Variants in GABRA5 observed in about 807,000 individuals in gnomAD.
GABRA5 encodes the protein gamma-aminobutyric acid receptor subunit alpha-5.
A neutral mutation model predicts 47.3 loss-of-function variants in GABRA5; 18 were observed. The observed-to-expected ratio is 0.38, with a 90% CI of 0.26 to 0.56. The LOEUF (loss-of-function observed/expected upper bound fraction) is 0.56, where lower values mean the gene tolerates loss of function less well. Ranked by LOEUF, GABRA5 falls within the 20% of genes least tolerant of loss-of-function variation. The pLI is 0.71. For missense variants in GABRA5, 365 were observed against 599.3 expected, an observed-to-expected ratio of 0.61 and a Z score of 4.08; for synonymous variants, 237 against 229.3, an observed-to-expected ratio of 1.03 and a Z score of -0.30.
At chr15:26,938,699 C>A (rs1390073386) in intron 8 of GABRA5, among the ~76,000 whole-genome samples, 1 of 152,224 alleles carries the variant, frequency 6.6e-6, no homozygotes, top group African/African-American at 2.4e-5. Flanking sequence ...GGCTCTGCTC[C>A]CTCACCTGCT....
chr15:26,901,171 A>T (rs1455356072), intron 6 of GABRA5, among the ~76,000 whole-genome samples: 1 of 151,604 alleles, frequency 6.6e-6, no homozygotes. Context: ...TTCTTTGGGT[A>T]AATACAAAGA....
chr15:26,906,397 T>C (rs1474075389), intron 6 of GABRA5, among the ~76,000 whole-genome samples: 8 of 152,222 alleles, frequency 5.3e-5, no homozygotes. Context: ...GTTTACAACA[T>C]TGCTATAACT....
intron 4 of GABRA5, among the ~76,000 whole-genome samples, 170 bp downstream of exon 4, chr15:26,881,137 GTCTAGACGCAAGATCCTTTGTTATTT>G (rs1892720893): frequency 6.6e-6 from 1 of 151,852 alleles, no homozygotes; most frequent in Non-Finnish European, 1.5e-5. Flanking sequence ...CTTTGTTATT[GTCTAGACGCAAGATCCTTTGTTATTT>G]TCTAGACGCA....
intron 6 of GABRA5, among the ~76,000 whole-genome samples, chr15:26,887,710 A>C (rs2140262234): frequency 6.6e-6 from 1 of 152,302 alleles, no homozygotes; most frequent in Non-Finnish European, 1.5e-5. Flanking sequence ...GAGTTCACTT[A>C]CCATTTTCTT....
chr15:26,947,395 CTT>C (rs1403901886), intron 10 of GABRA5, among the ~76,000 whole-genome samples: 1 of 147,406 alleles, frequency 6.8e-6, no homozygotes, highest in Non-Finnish European at 1.5e-5. Context: ...TTGTTCCTCT[CTT>C]TGTGTTCATG....
chr15:26,927,993 T>C (rs1409242216), intron 7 of GABRA5, among the ~76,000 whole-genome samples: 1 of 152,350 alleles, frequency 6.6e-6, no homozygotes, highest in East Asian at 1.9e-4. Flanking sequence ...TTAAAAATAA[T>C]GGCATGGTGT....
Position 26,869,222 on chromosome 15 carries a change from C to T in GABRA5, c.-27C>T. ...GGAAGAGTTATTCCTCCATATTCAC[C>T]TGCTTCAACTACTATTCTTATTGGG... On this transcript the variant is annotated 5_prime_UTR_variant, in exon 3 of 11. Coordinates refer to ENST00000335625, the MANE Select transcript of GABRA5 (RefSeq NM_000810.4). 7.3e-7 allele frequency: 1 copy of T among 1,368,676 alleles called. No homozygotes were observed. The highest frequency in any genetic ancestry group is 1.8e-4 in the Middle Eastern group (1 of 5,596). The allele number at this position is 1,368,676 out of a possible 1,614,324, so 84.8% of individuals were successfully genotyped here. A position where few individuals can be genotyped will look rare whatever the true frequency, so the allele number is the denominator to read the frequency against.
In GABRA5 at chr15:26,867,165, CGCGCGGCCCGGG is replaced by C. The variant is rs1595387629; in HGVS notation, c.-140+62_-140+73del. 6.7e-6 allele frequency: 1 copy of C among 148,888 alleles called. No homozygotes were observed. The highest frequency in any genetic ancestry group is 1.8e-4 in the South Asian group (1 of 5,580). The allele number at this position is 148,888 out of a possible 1,614,324, so 9.2% of individuals were successfully genotyped here. A position where few individuals can be genotyped will look rare whatever the true frequency, so the allele number is the denominator to read the frequency against. ...CGCTGGGGGGCTCTGCGGCGGGCGG[CGCGCGGCCCGGG>C]GCGCGGCGCGGAGCGGAGCTGCAGG... On this transcript the variant is annotated intron_variant, in intron 1 of 10. Transcript: ENST00000335625. This position sits in a 1 kb window ranked among gnomAD's most constrained non-coding sequence, Gnocchi z 5.9.
intron 6 of GABRA5, among the ~76,000 whole-genome samples, chr15:26,890,050 A>G (rs962187241): frequency 6.6e-5 from 10 of 152,258 alleles, no homozygotes; most frequent in Non-Finnish European, 1.3e-4. Context: ...ACTTTGTGAT[A>G]TAGCACATCC....
chr15:26,934,516 T>G (rs1488209456), intron 7 of GABRA5, among the ~76,000 whole-genome samples: 3 of 152,194 alleles, frequency 2.0e-5, no homozygotes, highest in Non-Finnish European at 2.9e-5. Context: ...TTTTCGGATT[T>G]GACACCAAGC....
intron 7 of GABRA5, among the ~76,000 whole-genome samples, chr15:26,926,002 C>A (rs1893953441): frequency 6.6e-6 from 1 of 152,120 alleles, no homozygotes; most frequent in Non-Finnish European, 1.5e-5. Flanking sequence ...GTGGGCCTCT[C>A]TTGTGGTTCT....
chr15:26,877,666 C>T (rs1167795782), intron 3 of GABRA5: 1 of 455,388 alleles, frequency 2.2e-6, no homozygotes, highest in Non-Finnish European at 4.4e-6. Context: ...TTTTCTTCTC[C>T]AGAAATGACG....
Position 26,883,578 on chromosome 15 carries a change from GGC to G in GABRA5, c.497+23_497+24del. On this transcript the variant is annotated intron_variant, in intron 6 of 10. Transcript: ENST00000335625. This position sits in a 1 kb window ranked among gnomAD's most constrained non-coding sequence, Gnocchi z 4.8. Reference sequence around the variant, plus strand: ...ATGCGGTGAGCGCCGGGCGGGGGCGGGCGGGGCCGGGGGACGGTGCGGGGCAG... The same window carrying G: ...ATGCGGTGAGCGCCGGGCGGGGGCGGGGGGCCGGGGGACGGTGCGGGGCAG... 1.3e-6 allele frequency: 2 copies of G among 1,500,996 alleles called. No homozygotes were observed. The highest frequency in any genetic ancestry group is 1.8e-6 in the Non-Finnish European group (2 of 1,105,132). 93.0% of individuals were successfully genotyped at this position (1,500,996 alleles called of 1,614,324 possible).
intron 7 of GABRA5, 129 bp downstream of exon 7, chr15:26,915,014 G>A (rs1375053941): frequency 3.9e-6 from 3 of 760,356 alleles, no homozygotes; most frequent in Non-Finnish European, 6.8e-6. Context: ...GAAGCGTGGA[G>A]AGTGTATTGT....
chr15:26,902,905 A>G (rs1893359319), intron 6 of GABRA5, among the ~76,000 whole-genome samples: 1 of 151,932 alleles, frequency 6.6e-6, no homozygotes, highest in African/African-American at 2.4e-5. Flanking sequence ...TGAACATGTG[A>G]TTTTTCTTGT....
chr15:26,900,278 A>G (rs1203164517), intron 6 of GABRA5, among the ~76,000 whole-genome samples: 1 of 152,002 alleles, frequency 6.6e-6, no homozygotes, highest in African/African-American at 2.4e-5. Context: ...TATTTTATGC[A>G]TTATTTTATG....
chr15:26,897,725 G>T (rs191531722), intron 6 of GABRA5, among the ~76,000 whole-genome samples: 84 of 152,188 alleles, frequency 5.5e-4, no homozygotes, highest in African/African-American at 1.9e-3. Flanking sequence ...GATGCCTCTC[G>T]TTACTTTCCC....
chr15:26,922,814 G>T (rs1256817659), intron 7 of GABRA5, among the ~76,000 whole-genome samples: 4 of 152,202 alleles, frequency 2.6e-5, no homozygotes, highest in Admixed American at 2.6e-4. Flanking sequence ...AGGCTGGAGT[G>T]CAATGGGGTG....
At chr15:26,868,950 T>C (rs1211201179) in intron 2 of GABRA5, among the ~76,000 whole-genome samples, 157 bp downstream of exon 2, 1 of 152,232 alleles carries the variant, frequency 6.6e-6, no homozygotes, top group African/African-American at 2.4e-5. Flanking sequence ...AGGGTGATTC[T>C]GCACCCTGAG....
Sources: allele counts gnomAD v4.1 joint callset (sites outside exome capture counted in the v4.1 genomes callset), GRCh38; gene constraint gnomAD v4.1.1; non-coding constraint Gnocchi (gnomAD v3.1); transcripts MANE v1.5; gene names NCBI Gene and HGNC (gene_info 2026-07-23, HGNC 2026-07-21).